The following LRP1B variants were observed in gnomAD, a reference collection of about 807,000 sequenced individuals.
The protein encoded by LRP1B is LDL receptor related protein 1B, also known as low-density lipoprotein receptor-related protein 1B.
Under a neutral mutation model 556.6 loss-of-function variants are expected in LRP1B, and 217 were observed. That is an observed-to-expected ratio of 0.39 (90% CI 0.35 to 0.44). LRP1B has a LOEUF of 0.44. LRP1B is among the 20% of genes least tolerant of loss of function. The probability of loss-of-function intolerance (pLI) is 1.00; values close to 1 mark genes in which losing one functional copy is unlikely to be tolerated. For synonymous variants in LRP1B, 2,047 were observed against 1,865.8 expected (o/e 1.10, Z -2.50); for missense variants, 5,053 against 5,620.8 (o/e 0.90, Z 3.23).
In LRP1B at chr2:140,620,953, GC is replaced by G. The variant is rs568260982; in HGVS notation, c.6800-19315del. Reference sequence around the variant, plus strand: ...TTAATAGCATATATATTAAACAGTTGCTGGGTTTTCTTTCTATATTAAAATT... The same window carrying G: ...TTAATAGCATATATATTAAACAGTTGTGGGTTTTCTTTCTATATTAAAATT... On this transcript the variant is annotated intron_variant, in intron 41 of 90. Transcript: ENST00000389484. 4.7e-3 allele frequency among the ~76,000 whole-genome samples: 708 copies of G among 152,068 alleles called. 10 individuals carry two copies. Among genetic ancestry groups the G allele is most frequent in the African/African-American group, 0.016 (660 of 41,486 alleles).
intron 2 of LRP1B, among the ~76,000 whole-genome samples, chr2:141,761,744 C>T (rs1051178761): frequency 6.6e-6 from 1 of 152,072 alleles, no homozygotes; most frequent in Admixed American, 6.6e-5. Flanking sequence ...AAAAAAATGC[C>T]AAAAACCCAG....
intron 66 of LRP1B, among the ~76,000 whole-genome samples, chr2:140,433,211 T>C (rs907311624): frequency 6.6e-6 from 1 of 152,070 alleles, no homozygotes; most frequent in Non-Finnish European, 1.5e-5. Context: ...AATTCTTCTG[T>C]CTCAGTCTCC....
chr2:141,522,778 C>T (rs995086267), intron 2 of LRP1B, among the ~76,000 whole-genome samples: 12 of 152,264 alleles, frequency 7.9e-5, no homozygotes, highest in Admixed American at 2.0e-4. Context: ...AAAAGGTCCA[C>T]GTTTGGCAGG....
At chr2:141,929,630 T>C (rs866271804) in intron 1 of LRP1B, among the ~76,000 whole-genome samples, 2 of 152,080 alleles carry the variant, frequency 1.3e-5, no homozygotes, top group African/African-American at 4.8e-5. Context: ...ATTTTAAACT[T>C]TCACTATCAT....
intron 9 of LRP1B, among the ~76,000 whole-genome samples, chr2:141,058,382 T>C (rs1156444844): frequency 1.3e-5 from 2 of 151,844 alleles, no homozygotes; most frequent in Non-Finnish European, 2.9e-5. Flanking sequence ...ATCACTAATC[T>C]CCTGTAGAAA....
Position 140,950,334 on chromosome 2 carries a change from A to G in LRP1B, c.3037T>C (p.Cys1013Arg). Residue 1013 changes from cysteine to arginine, a missense_variant, in exon 20 of 91, where the codon TGT (cysteine) becomes CGT (arginine). Coordinates refer to ENST00000389484, the MANE Select transcript of LRP1B (RefSeq NM_018557.3). ...VHSCFDNQFR[C>R]SSGRCIPGHW... ...CCTGGGATGCATCTGCCACTGGAAC[A>G]TCTGAACTGATTATCAAAGCAAGAG... The G allele has an allele frequency of 6.2e-7, 1 of 1,613,002 alleles. No homozygotes were observed. The highest frequency in any genetic ancestry group is 8.5e-7 in the Non-Finnish European group (1 of 1,179,480).
At chr2:140,513,893 T>G (rs531927895) in intron 51 of LRP1B, among the ~76,000 whole-genome samples, 1 of 151,950 alleles carries the variant, frequency 6.6e-6, no homozygotes, top group Non-Finnish European at 1.5e-5. Context: ...TACAAATGCA[T>G]GTACAGAAAT....
chr2:140,715,048 G>A (rs1430618844), intron 37 of LRP1B, among the ~76,000 whole-genome samples: 1 of 152,050 alleles, frequency 6.6e-6, no homozygotes, highest in African/African-American at 2.4e-5. Flanking sequence ...GGTTGGCAAA[G>A]GCTGGAAGTG....
intron 2 of LRP1B, among the ~76,000 whole-genome samples, chr2:141,703,509 C>A (rs996275657): frequency 6.6e-6 from 1 of 151,938 alleles, no homozygotes; most frequent in Non-Finnish European, 1.5e-5. Flanking sequence ...TGCATTACTT[C>A]CAGTACAGAG....
At chr2:141,218,717 T>A (rs758767802) in intron 6 of LRP1B, among the ~76,000 whole-genome samples, 2 of 152,084 alleles carry the variant, frequency 1.3e-5, no homozygotes, top group African/African-American at 4.8e-5. Flanking sequence ...TGTCCAAACT[T>A]TAACATCATG....
At chr2:141,071,799 G>A (rs1699651472) in intron 7 of LRP1B, among the ~76,000 whole-genome samples, 1 of 152,144 alleles carries the variant, frequency 6.6e-6, no homozygotes. Flanking sequence ...ACCTACAAGG[G>A]ACGCGAAGGA....
intron 1 of LRP1B, among the ~76,000 whole-genome samples, chr2:141,900,779 T>C (rs1699594599): frequency 6.6e-6 from 1 of 152,084 alleles, no homozygotes; most frequent in South Asian, 2.1e-4. Context: ...ACTTGAATAA[T>C]TGCATTAACG....
rs200226632 is a variant in LRP1B, at chr2:140,642,847, A to AAAAC, written c.6800-41212_6800-41209dup. 1.8e-3 allele frequency among the ~76,000 whole-genome samples: 277 copies of AAAAC among 152,184 alleles called. 4 individuals are homozygous for AAAAC. Among genetic ancestry groups the AAAAC allele is most frequent in the African/African-American group, 5.0e-3 (209 of 41,494 alleles). Reference sequence around the variant, plus strand: ...CGACAGAGCGAGACTCTGTCTCAGAAAAACAAACAAACAAACAAACAAACA... The same window carrying AAAAC: ...CGACAGAGCGAGACTCTGTCTCAGAAAAACAAACAAACAAACAAACAAACAAACA... On this transcript the variant is annotated intron_variant, in intron 41 of 90. Coordinates refer to ENST00000389484, the MANE Select transcript of LRP1B (RefSeq NM_018557.3).
intron 32 of LRP1B, among the ~76,000 whole-genome samples, chr2:140,808,169 T>C (rs2105024289): frequency 6.6e-6 from 1 of 152,292 alleles, no homozygotes; most frequent in South Asian, 2.1e-4. Context: ...TCAGCTTTTA[T>C]CTAGCAACTT....
At chr2:141,312,973 A>C (rs1686870265) in intron 3 of LRP1B, among the ~76,000 whole-genome samples, 6 of 152,046 alleles carry the variant, frequency 3.9e-5, no homozygotes, top group Admixed American at 3.9e-4. Context: ...GAGCCACCAC[A>C]CCTGGACTGC....
chr2:140,968,462 C>CT (rs1209874552), intron 18 of LRP1B, among the ~76,000 whole-genome samples: 1 of 147,534 alleles, frequency 6.8e-6, no homozygotes, highest in Non-Finnish European at 1.5e-5. Context: ...TTTTGTTGAT[C>CT]TTTTTAAAAA....
chr2:141,393,242 AAC>A lies in LRP1B; in HGVS notation c.343+87152_343+87153del, dbSNP rs566823255. 3.2e-3 allele frequency among the ~76,000 whole-genome samples: 484 copies of A among 151,698 alleles called. 2 individuals carry two copies. The highest frequency in any genetic ancestry group is 5.4e-3 in the Non-Finnish European group (366 of 67,736). On this transcript the variant is annotated intron_variant, in intron 3 of 90. Coordinates refer to ENST00000389484, the MANE Select transcript of LRP1B (RefSeq NM_018557.3). ...ATAAACATACACACACACACACACA[AAC>A]ACACAACTTTCTGGAAGAGATGTTT...
intron 1 of LRP1B, among the ~76,000 whole-genome samples, chr2:141,855,138 CATA>C (rs1698006442): frequency 3.3e-5 from 5 of 151,966 alleles, no homozygotes; most frequent in Non-Finnish European, 1.5e-5. Context: ...GTTGTGTGAA[CATA>C]AGGATTGGCT....
intron 41 of LRP1B, among the ~76,000 whole-genome samples, chr2:140,613,160 G>T (rs1373810589): frequency 6.7e-6 from 1 of 148,772 alleles, no homozygotes; most frequent in Non-Finnish European, 1.5e-5. Context: ...GTTATCTTAG[G>T]CAGGCACATT....
Sources: allele counts gnomAD v4.1 joint callset (sites outside exome capture counted in the v4.1 genomes callset), GRCh38; gene constraint gnomAD v4.1.1; transcripts MANE v1.5; gene names NCBI Gene and HGNC (gene_info 2026-07-23, HGNC 2026-07-21).